Variants in KIF2A observed in about 807,000 individuals in gnomAD.
The protein encoded by KIF2A is kinesin family member 2A.
KIF2A carries 22 observed loss-of-function variants against 100.2 expected under a neutral mutation model. The ratio of observed to expected loss-of-function variants is 0.22; its 90% CI spans 0.16 to 0.31. The LOEUF (loss-of-function observed/expected upper bound fraction) is 0.31. Among genes scored for constraint, KIF2A ranks in the 10% least tolerant of loss-of-function variants. KIF2A has a pLI of 1.00. For missense variants in KIF2A, 495 were observed against 898.7 expected, an observed-to-expected ratio of 0.55 and a Z score of 5.74; for synonymous variants, 268 against 285.9, an observed-to-expected ratio of 0.94 and a Z score of 0.63.
At chr5:62,369,681 T>TTC (rs1333342593) in intron 16 of KIF2A, among the ~76,000 whole-genome samples, 1 of 151,806 alleles carries the variant, frequency 6.6e-6, no homozygotes, top group African/African-American at 2.4e-5. Flanking sequence ...AGTAATTTTT[T>TTC]TTTTTAACAG....
intron 16 of KIF2A, among the ~76,000 whole-genome samples, chr5:62,368,606 G>A (rs1015068808): frequency 3.3e-5 from 5 of 152,010 alleles, no homozygotes; most frequent in Admixed American, 6.5e-5. Context: ...GCAAAACCCC[G>A]TCTCTATAAA....
intron 9 of KIF2A, among the ~76,000 whole-genome samples, chr5:62,359,724 TTA>T (rs1315030697): frequency 6.6e-6 from 1 of 152,190 alleles, no homozygotes; most frequent in Non-Finnish European, 1.5e-5. Context: ...TACCCTATGT[TTA>T]TGTTTCTTAA....
At position 62,306,423 on chromosome 5, in the gene KIF2A, G is replaced by GC; in HGVS notation, c.-47dup. 1 of 415,680 alleles carries GC rather than the reference G, an allele frequency of 2.4e-6. No individual in the cohort carries two copies. Among genetic ancestry groups the GC allele is most frequent in the East Asian group, 1.1e-4 (1 of 9,198 alleles). The allele number at this position is 415,680 out of a possible 1,614,324, so 25.7% of individuals were successfully genotyped here. The stretch of plus-strand genomic sequence containing the variant: ...ACCCCGCCCCCTCCCCGCCTTTTCC[G>GC]CCCTCCGGTCCCCCTCCCTCGGCCC... On this transcript the variant is annotated 5_prime_UTR_variant, in exon 1 of 21. Transcript: ENST00000407818.
rs139235611 is a variant in KIF2A, at chr5:62,339,078, A to G, written c.65-8052A>G. 2.6e-5 allele frequency among the ~76,000 whole-genome samples: 4 copies of G among 152,310 alleles called. No homozygotes were observed. In the East Asian group the frequency reaches 7.7e-4, roughly 29 times the overall value. On this transcript the variant is annotated intron_variant, in intron 1 of 20. Transcript: ENST00000407818. ...CATCTTTCATTGCTATAAATACTTG[A>G]GACTGGGTAATTTATAAAGAAAAGA...
intron 17 of KIF2A, among the ~76,000 whole-genome samples, chr5:62,373,430 T>C (rs909587500): frequency 1.3e-5 from 2 of 152,008 alleles, no homozygotes; most frequent in South Asian, 2.1e-4. Flanking sequence ...TGAATCTACA[T>C]ACTGTTCTCA....
intron 1 of KIF2A, among the ~76,000 whole-genome samples, chr5:62,329,660 TA>T: frequency 6.6e-6 from 1 of 152,372 alleles, no homozygotes; most frequent in East Asian, 1.9e-4. Flanking sequence ...ACTGTGTAGT[TA>T]ACTTCCATTT....
chr5:62,375,250 T>C (rs1422246594), intron 18 of KIF2A, among the ~76,000 whole-genome samples: 1 of 152,230 alleles, frequency 6.6e-6, no homozygotes, highest in African/African-American at 2.4e-5. Context: ...GGTGTGTTTT[T>C]AAAATGCATA....
intron 1 of KIF2A, chr5:62,306,848 G>GCCC: frequency 6.1e-6 from 2 of 326,972 alleles, no homozygotes; most frequent in Non-Finnish European, 1.1e-5. Context: ...GCAATCTCCA[G>GCCC]CCCCCCCCCG....
intron 16 of KIF2A, 44 bp downstream of exon 16, chr5:62,366,525 G>C (rs1400387563): frequency 2.6e-6 from 3 of 1,140,474 alleles, no homozygotes; most frequent in African/African-American, 1.5e-5. Context: ...GGGGAGTACA[G>C]CAGTACATAG....
chr5:62,327,905 G>A (rs1746457881), intron 1 of KIF2A, among the ~76,000 whole-genome samples: 2 of 152,140 alleles, frequency 1.3e-5, no homozygotes, highest in Non-Finnish European at 2.9e-5. Flanking sequence ...CAAGATCCCT[G>A]TCTCGTTAGG....
chr5:62,348,994 A>G (rs1747713420), intron 3 of KIF2A, among the ~76,000 whole-genome samples: 1 of 152,244 alleles, frequency 6.6e-6, no homozygotes, highest in Admixed American at 6.5e-5. Flanking sequence ...TAGAAGCAAC[A>G]AAACTTTGTT....
rs543375231 is a variant in KIF2A, at chr5:62,353,127, A to C, written c.458-148A>C. On this transcript the variant is annotated intron_variant, in intron 5 of 20. Transcript: ENST00000407818. ...TATTTTAGTTTTGGTAAAGCAGCTC[A>C]TTAAGTAAAGCTCACGTAGTTGTTA... is the stretch of plus-strand genomic sequence containing the variant. 117 of 506,032 alleles carry C rather than the reference A, an allele frequency of 2.3e-4. 3 individuals carry two copies. The South Asian group carries it at 4.1e-3, about 18-fold the overall frequency. 31.3% of individuals were successfully genotyped at this position (506,032 alleles called of 1,614,324 possible).
chr5:62,352,983 A>G (rs1747930411), intron 5 of KIF2A: 4 of 426,568 alleles, frequency 9.4e-6, no homozygotes, highest in Non-Finnish European at 1.2e-5. Flanking sequence ...CAGATGTTAC[A>G]GAAGAATGTG....
chr5:62,385,416 C>T (rs1480884092), intron 20 of KIF2A, 68 bp from the exon 21 acceptor site: 1 of 1,058,666 alleles, frequency 9.4e-7, no homozygotes, highest in Non-Finnish European at 1.4e-6. Flanking sequence ...TTGATTGAAC[C>T]CATAAAGTTG....
intron 8 of KIF2A, 80 bp from the exon 9 acceptor site, chr5:62,358,057 C>A: frequency 9.3e-7 from 1 of 1,072,286 alleles, no homozygotes; most frequent in Non-Finnish European, 1.3e-6. Context: ...TATCTTAGTT[C>A]TTACTACTTA....
intron 1 of KIF2A, among the ~76,000 whole-genome samples, chr5:62,307,533 A>T (rs1210011489): frequency 6.6e-6 from 1 of 152,158 alleles, no homozygotes; most frequent in African/African-American, 2.4e-5. Flanking sequence ...AGATAAGTAA[A>T]ATTATTTTCT....
chr5:62,366,069 G>A (rs192516839), intron 15 of KIF2A, among the ~76,000 whole-genome samples: 51 of 151,948 alleles, frequency 3.4e-4, no homozygotes, highest in Non-Finnish European at 6.8e-4. Flanking sequence ...AGTTTTAGTT[G>A]CCCTGTGTGA....
chr5:62,312,987 T>C (rs984996391), intron 1 of KIF2A, among the ~76,000 whole-genome samples: 1 of 152,200 alleles, frequency 6.6e-6, no homozygotes, highest in Admixed American at 6.5e-5. Context: ...TTATGACATA[T>C]CAAAATAATG....
chr5:62,358,967 C>G (rs1246335287), intron 9 of KIF2A, among the ~76,000 whole-genome samples: 2 of 152,158 alleles, frequency 1.3e-5, no homozygotes, highest in East Asian at 3.9e-4. Context: ...CACTGTTATG[C>G]CTGGCCAAAA....
Sources: gnomAD v4.1 joint callset for allele counts (sites outside exome capture counted in the v4.1 genomes callset) on GRCh38, gnomAD v4.1.1 for gene constraint, MANE v1.5 for transcripts, NCBI Gene and HGNC (gene_info 2026-07-23, HGNC 2026-07-21) for gene names.